Variants in HOXC6 observed in about 807,000 individuals in gnomAD.
The protein encoded by HOXC6 is homeobox protein Hox-C6.
In HOXC6, 10 loss-of-function variants were observed where a neutral mutation model predicts 24.0. The ratio of observed to expected loss-of-function variants is 0.42; its 90% CI spans 0.26 to 0.71. The LOEUF is 0.71. Ranked by LOEUF, HOXC6 falls within the 30% of genes least tolerant of loss-of-function variation. The pLI is 0.28. For missense variants in HOXC6, 258 were observed against 303.4 expected, an observed-to-expected ratio of 0.85 and a Z score of 1.11; for synonymous variants, 123 against 128.1, an observed-to-expected ratio of 0.96 and a Z score of 0.27.
At chr12:54,026,501 C>G (rs1184887107), upstream of HOXC6, among the ~76,000 whole-genome samples, 4 of 152,204 alleles carry the variant, frequency 2.6e-5, no homozygotes, top group African/African-American at 9.7e-5. Context: ...TCTACCCTTT[C>G]CCCTTCATTT....
chr12:54,017,217 C>G (rs3736210), exon 1 of HOXC6: 1 of 152,142 alleles, frequency 6.6e-6, no homozygotes, highest in Non-Finnish European at 1.5e-5. Flanking sequence ...CCTCCTGCCC[C>G]CTTCTTGCAA....
rs532657307 is a variant in HOXC6 at position 54,019,401 on chromosome 12, A to C, written c.-193+1987A>C. Among the ~76,000 whole-genome samples, 11 of 152,172 alleles carry C rather than the reference A, an allele frequency of 7.2e-5. No individual in the cohort carries two copies. In the South Asian group the frequency reaches 2.3e-3, roughly 32 times the overall value. On this transcript the variant is annotated intron_variant, in intron 1 of 2. Transcript: ENST00000394331. ...CAGGCCGGAACCCGGAGTCTGTGGG[A>C]CCTGAAAAGGGCAAAGGGAGTGCGG... is the stretch of plus-strand genomic sequence containing the variant.
upstream of HOXC6, among the ~76,000 whole-genome samples, chr12:54,024,690 C>T (rs1940611569): frequency 6.6e-6 from 1 of 152,002 alleles, no homozygotes; most frequent in Non-Finnish European, 1.5e-5. Context: ...CAGTTCAGAG[C>T]TCACATGCCC....
chr12:54,022,537 A>C (rs886650380), intron 1 of HOXC6: 2 of 152,152 alleles, frequency 1.3e-5, no homozygotes, highest in African/African-American at 4.8e-5. Flanking sequence ...TTTTGCCAGC[A>C]CAGATTAAAT....
chr12:54,022,227 G>C (rs1224199743), intron 1 of HOXC6: 3 of 152,112 alleles, frequency 2.0e-5, no homozygotes, highest in African/African-American at 7.2e-5. Flanking sequence ...AGGTTGTTGG[G>C]TTTTAAATCA....
chr12:54,028,416 C>T, upstream of HOXC6: 1 of 1,258,090 alleles, frequency 7.9e-7, no homozygotes, highest in Non-Finnish European at 1.1e-6. Context: ...GTCATTTTGT[C>T]TGTCCTGGAT....
At chr12:54,027,118 G>A (rs993056160), upstream of HOXC6, among the ~76,000 whole-genome samples, 3 of 152,242 alleles carry the variant, frequency 2.0e-5, no homozygotes, top group Non-Finnish European at 4.4e-5. Flanking sequence ...CGCTGTTTCA[G>A]TTCGCCTACT....
upstream of HOXC6, among the ~76,000 whole-genome samples, chr12:54,026,976 G>GA (rs370870516): frequency 0.25 from 35,188 of 142,944 alleles, 4,506 homozygotes; most frequent in East Asian, 0.35. Flanking sequence ...GGGGGGGGGG[G>GA]ATATGAGCTT....
At chr12:54,028,263 A>ATT (rs951684966), upstream of HOXC6, 7 of 73,344 alleles carry the variant, frequency 9.5e-5, no homozygotes, top group African/African-American at 2.5e-4. Flanking sequence ...ATATATATAT[A>ATT]TATATTTTTT....
intron 1 of HOXC6, among the ~76,000 whole-genome samples, chr12:54,018,299 G>A (rs1416307631): frequency 1.3e-5 from 2 of 152,242 alleles, no homozygotes; most frequent in African/African-American, 4.8e-5. Flanking sequence ...GGACCGGGAT[G>A]CCCGCTCGCC....
chr12:54,021,527 C>T (rs1412990794), intron 1 of HOXC6: 1 of 152,196 alleles, frequency 6.6e-6, no homozygotes, highest in African/African-American at 2.4e-5. Context: ...TGGAAAACCC[C>T]ATAAAAGAAA....
intron 1 of HOXC6, among the ~76,000 whole-genome samples, chr12:54,019,269 T>C (rs1327986670): frequency 2.1e-5 from 3 of 144,720 alleles, no homozygotes; most frequent in Admixed American, 1.4e-4. Context: ...GAAAAGCGCT[T>C]GGCTCTCCCC....
upstream of HOXC6, among the ~76,000 whole-genome samples, chr12:54,027,650 C>A (rs1221569659): frequency 1.3e-5 from 2 of 151,878 alleles, no homozygotes; most frequent in African/African-American, 4.8e-5. Context: ...ATTTTTTATA[C>A]ATTTTCCCTT....
At chr12:54,022,937 C>T (rs1046835672) in intron 1 of HOXC6, among the ~76,000 whole-genome samples, 4 of 152,150 alleles carry the variant, frequency 2.6e-5, no homozygotes, top group Non-Finnish European at 4.4e-5. Flanking sequence ...CCCCCTATTG[C>T]GGCTTCTTCC....
At chr12:54,029,539 T>C in intron 1 of HOXC6, 116 bp from the exon 2 acceptor site, 1 of 1,095,752 alleles carries the variant, frequency 9.1e-7, no homozygotes, top group African/African-American at 1.6e-5. Flanking sequence ...GCTAGAGCCC[T>C]AAGGAGGCTG....
chr12:54,028,297 C>G (rs140291984), upstream of HOXC6: 323 of 389,940 alleles, frequency 8.3e-4, no homozygotes, highest in East Asian at 0.011. Flanking sequence ...GTCTTACTTT[C>G]AAAGCACACA....
Position 54,029,998 on chromosome 12 carries a change from C to T in HOXC6, c.*36C>T, listed in dbSNP as rs1374635843. 1 of 1,466,448 alleles carries T rather than the reference C, an allele frequency of 6.8e-7. No individual in the cohort carries two copies. Among genetic ancestry groups the T allele is most frequent in the Non-Finnish European group, 9.1e-7 (1 of 1,100,462 alleles). 90.8% of individuals were successfully genotyped at this position (1,466,448 alleles called of 1,614,324 possible). On this transcript the variant is annotated 3_prime_UTR_variant, in exon 2 of 2. Transcript: ENST00000243108. ...CCCTGCCACCCCTCTCTCCCTTTCT[C>T]CCTCGCTCCCCACCAACTCTCCCCT...
At chr12:54,028,321 A>G (rs1054843191), upstream of HOXC6, 2 of 537,942 alleles carry the variant, frequency 3.7e-6, no homozygotes, top group Non-Finnish European at 6.6e-6. Flanking sequence ...AGTCTCAACT[A>G]GGGAATCAAC....
chr12:54,025,232 T>G (rs1485232411), upstream of HOXC6, among the ~76,000 whole-genome samples: 1 of 152,230 alleles, frequency 6.6e-6, no homozygotes, highest in Non-Finnish European at 1.5e-5. Context: ...CATCTGTTCT[T>G]GCTTCTGCTG....
Sources: allele counts gnomAD v4.1 joint callset (sites outside exome capture counted in the v4.1 genomes callset), GRCh38; gene constraint gnomAD v4.1.1; transcripts MANE v1.5; gene names NCBI Gene and HGNC (gene_info 2026-07-23, HGNC 2026-07-21).